The following GSTT4 variants were observed in gnomAD, a reference collection of about 807,000 sequenced individuals.
GSTT4 encodes glutathione S-transferase theta-4.
downstream of GSTT4, among the ~76,000 whole-genome samples, chr22:23,997,941 G>A (rs1208198615): frequency 2.0e-5 from 3 of 152,218 alleles, no homozygotes; most frequent in African/African-American, 7.2e-5. Flanking sequence ...GTTTAAGAGT[G>A]TGCTGTTTAA....
downstream of GSTT4, among the ~76,000 whole-genome samples, chr22:23,997,477 C>T (rs1036854743): frequency 1.3e-5 from 2 of 152,102 alleles, no homozygotes; most frequent in Non-Finnish European, 2.9e-5. Flanking sequence ...TCTGCCTCTG[C>T]TTTCCAAAGT....
chr22:24,001,120 C>A (rs1305606849), intron 3 of GSTT4, 55 bp downstream of exon 3: 1 of 138,618 alleles, frequency 7.2e-6, no homozygotes, highest in Non-Finnish European at 1.5e-5. Context: ...TGGCCTCCAG[C>A]CTTCCTGACT....
chr22:23,989,707 T>C, the GSTT4 span, among the ~76,000 whole-genome samples: 2 of 151,262 alleles, frequency 1.3e-5, 1 homozygote, highest in Non-Finnish European at 2.9e-5. Flanking sequence ...CTCTTCTTCC[T>C]TTCTTATGCC....
chr22:23,999,809 T>C (rs2034186126), intron 4 of GSTT4, among the ~76,000 whole-genome samples: 1 of 150,966 alleles, frequency 6.6e-6, no homozygotes, highest in Non-Finnish European at 1.5e-5. Context: ...AGTGTTCTTC[T>C]CTATCCCAGG....
At chr22:23,999,446 C>G in intron 4 of GSTT4, among the ~76,000 whole-genome samples, 1 of 104,530 alleles carries the variant, frequency 9.6e-6, no homozygotes, top group East Asian at 2.6e-4. Flanking sequence ...GGTCCCTCCT[C>G]TCGGGCATAT....
intron 1 of GSTT4, among the ~76,000 whole-genome samples, 174 bp from the exon 2 acceptor site, chr22:24,004,021 C>T (rs397834211): frequency 1.3e-5 from 2 of 152,084 alleles, no homozygotes; most frequent in African/African-American, 4.8e-5. Flanking sequence ...AACCGGACTG[C>T]GATCAGAACT....
At chr22:23,992,741 C>T in the GSTT4 span, among the ~76,000 whole-genome samples, 5 of 151,134 alleles carry the variant, frequency 3.3e-5, no homozygotes, top group African/African-American at 1.2e-4. Context: ...AGTCTCCCAG[C>T]GCCTACCCCA....
chr22:23,995,748 T>C (rs911927686), downstream of GSTT4, among the ~76,000 whole-genome samples: 5 of 152,180 alleles, frequency 3.3e-5, no homozygotes, highest in African/African-American at 1.2e-4. Context: ...TTGGTGGCGC[T>C]TCTTTAATTT....
downstream of GSTT4, among the ~76,000 whole-genome samples, chr22:23,996,018 A>ACTGCAACC (rs1375030792): frequency 6.7e-6 from 1 of 150,330 alleles, no homozygotes; most frequent in East Asian, 1.9e-4. Flanking sequence ...ATCTTGGCAC[A>ACTGCAACC]CTGCAACCTC....
chr22:24,002,682 T>A (rs1384741038), intron 2 of GSTT4, among the ~76,000 whole-genome samples: 1 of 151,938 alleles, frequency 6.6e-6, no homozygotes, highest in East Asian at 1.9e-4. Context: ...TACAAAAAAA[T>A]TAGCCAGGCA....
At chr22:23,989,996 T>A in the GSTT4 span, among the ~76,000 whole-genome samples, 1 of 150,744 alleles carries the variant, frequency 6.6e-6, no homozygotes, top group African/African-American at 2.4e-5. Flanking sequence ...GGGCAGCAGT[T>A]GGGAAGAGTC....
Position 24,005,264 on chromosome 22 carries a change from C to G in GSTT4, c.93G>C (p.Gln31His), listed in dbSNP as rs1376588315. The change falls in exon 1 of 5, where the codon CAG becomes CAC. Residue 31 changes from glutamine to histidine, a missense_variant. Gln to His is a conservative substitution (Grantham distance 24, BLOSUM62 0). Transcript: ENST00000621179. ...SKKHDIQFNF[Q>H]FVDLLKGHHH... The stretch of plus-strand genomic sequence containing the variant: ...GTTGACCTTTCAGCAGATCCACAAA[C>G]TGAAAGTTGAACTGGATGTCATGCT... 1.3e-5 allele frequency: 2 copies of G among 153,374 alleles called. No individual in the cohort carries two copies. Among genetic ancestry groups the G allele is most frequent in the Non-Finnish European group, 2.9e-5 (2 of 68,514 alleles). 9.5% of individuals were successfully genotyped at this position (153,374 alleles called of 1,614,324 possible). A position where few individuals can be genotyped will look rare whatever the true frequency, so the allele number is the denominator to read the frequency against.
the GSTT4 span, among the ~76,000 whole-genome samples, chr22:23,991,168 A>C: frequency 0.019 from 1,126 of 60,702 alleles, no homozygotes; most frequent in Middle Eastern, 0.042. Flanking sequence ...ACAGAGTTAG[A>C]TGCTGTCTCC....
intron 1 of GSTT4, chr22:24,004,486 C>G (rs1435384889): frequency 6.5e-6 from 1 of 154,024 alleles, no homozygotes; most frequent in African/African-American, 2.4e-5. Flanking sequence ...TGGAGTCCCT[C>G]TGTGCTGGGG....
rs1461287525 is a variant in GSTT4, at chr22:24,003,759, C to T, written c.200+1G>A. On this transcript the variant is annotated splice_donor_variant, in intron 2 of 4. Coordinates refer to ENST00000621179, the MANE Select transcript of GSTT4 (RefSeq NM_001358664.2). LOFTEE classifies it high-confidence loss of function. ...GTGCAAGGGCCCCAGGGAAGACTTACCTTTCACTTAAGATAAATTTCCCAT... is the reference window on the plus strand; with the variant it reads ...GTGCAAGGGCCCCAGGGAAGACTTATCTTTCACTTAAGATAAATTTCCCAT... 1 of 155,546 alleles carries T rather than the reference C, an allele frequency of 6.4e-6. No homozygotes were observed. Among genetic ancestry groups the T allele is most frequent in the Admixed American group, 6.5e-5 (1 of 15,300 alleles). The allele number at this position is 155,546 out of a possible 1,614,324, so 9.6% of individuals were successfully genotyped here. A position where few individuals can be genotyped will look rare whatever the true frequency, so the allele number is the denominator to read the frequency against.
At chr22:23,996,717 T>G (rs530807), downstream of GSTT4, among the ~76,000 whole-genome samples, 9 of 152,236 alleles carry the variant, frequency 5.9e-5, no homozygotes, top group African/African-American at 2.2e-4. Context: ...TTTAATATGC[T>G]GCTGGATTTG....
intron 4 of GSTT4, among the ~76,000 whole-genome samples, chr22:23,999,103 G>T (rs2034169684): frequency 6.6e-6 from 1 of 152,168 alleles, no homozygotes; most frequent in Admixed American, 6.5e-5. Context: ...GAGAACTCAG[G>T]TTTTTTCCTC....
chr22:23,995,783 C>T (rs922210752), downstream of GSTT4, among the ~76,000 whole-genome samples: 2 of 152,102 alleles, frequency 1.3e-5, no homozygotes, highest in African/African-American at 4.8e-5. Flanking sequence ...TTGTAGTTTG[C>T]TGTGTTGAAA....
At chr22:23,993,297 A>T in the GSTT4 span, among the ~76,000 whole-genome samples, 3 of 152,292 alleles carry the variant, frequency 2.0e-5, no homozygotes, top group South Asian at 6.2e-4. Flanking sequence ...TTCTAGCCTC[A>T]AGAGACCCTC....
Sources: allele counts gnomAD v4.1 joint callset (sites outside exome capture counted in the v4.1 genomes callset), GRCh38; gene constraint gnomAD v4.1.1; transcripts MANE v1.5; gene names NCBI Gene and HGNC (gene_info 2026-07-23, HGNC 2026-07-21).